FBXO38: variants seen among roughly 807,000 people sequenced by gnomAD.
FBXO38 encodes F-box only protein 38.
Under a neutral mutation model 131.9 loss-of-function variants are expected in FBXO38, and 53 were observed. The ratio of observed to expected loss-of-function variants is 0.40; its 90% CI spans 0.32 to 0.51. The LOEUF is 0.51. Ranked by LOEUF, FBXO38 falls within the 20% of genes least tolerant of loss-of-function variation. FBXO38 has a pLI of 0.53. For synonymous variants in FBXO38, 452 were observed against 505.6 expected (o/e 0.89, Z 1.42); for missense variants, 1,076 against 1,475.6 (o/e 0.73, Z 4.44).
Position 148,433,431 on chromosome 5 carries a change from C to G in FBXO38, c.2661C>G (p.Ala887=), listed in dbSNP as rs142852014. The G allele has an allele frequency of 1.1e-5, 18 of 1,610,130 alleles. No homozygotes were observed. The African/African-American group carries it at 1.9e-4, about 17-fold the overall frequency. Residue 887 remains alanine (A), a synonymous_variant, in exon 16 of 22, where the codon GCC becomes GCG. Coordinates refer to ENST00000340253, the MANE Select transcript of FBXO38 (RefSeq NM_205836.3). ...TTTTTTTGCCTTTTTTAGAAGTAGC[C>G]AAAACAAAGCCACGTCACGCCATGA... The part of the protein sequence containing the change: ...HVLLVSESEV[A]KTKPRHAMKR...
chr5:148,411,367 A>T (rs1291437843), intron 9 of FBXO38, among the ~76,000 whole-genome samples: 2 of 152,214 alleles, frequency 1.3e-5, no homozygotes, highest in Non-Finnish European at 2.9e-5. Context: ...CTATTTTTCC[A>T]TATGGCATCA....
intron 12 of FBXO38, among the ~76,000 whole-genome samples, 165 bp downstream of exon 12, chr5:148,417,369 T>C (rs1753122167): frequency 6.6e-6 from 1 of 152,106 alleles, no homozygotes; most frequent in South Asian, 2.1e-4. Flanking sequence ...TTTTTCTCTT[T>C]TCTTGCTTGT....
rs780918223 is a variant in FBXO38 at position 148,414,276 on chromosome 5, C to T, written c.1234C>T (p.His412Tyr). 2 of 1,591,950 alleles carry T rather than the reference C, an allele frequency of 1.3e-6. No homozygotes were observed. The highest frequency in any genetic ancestry group is 2.3e-5 in the East Asian group (1 of 43,874). The change falls in exon 10 of 22, where the codon CAT (histidine) becomes TAT (tyrosine). Residue 412 changes from histidine (H) to tyrosine (Y), a missense_variant. Transcript: ENST00000340253. ...IKYLAIYNCP[H>Y]LHNPYNWISD... ...ATATCTGGCAATTTACAATTGCCCT[C>T]ATCTACACAACCCATACAATTGGAT...
chr5:148,434,881 C>T (rs1431907898), intron 17 of FBXO38: 2 of 152,028 alleles, frequency 1.3e-5, no homozygotes, highest in Non-Finnish European at 2.9e-5. Context: ...CACCTGAGAC[C>T]AGGAGTTTGA....
chr5:148,441,851 A>G, intron 21 of FBXO38, 118 bp from the exon 22 acceptor site: 4 of 720,144 alleles, frequency 5.6e-6, no homozygotes, highest in African/African-American at 5.4e-5. Context: ...TGACCTATTC[A>G]TGCATCAGTT....
At chr5:148,394,296 T>G (rs1270832590) in intron 1 of FBXO38, among the ~76,000 whole-genome samples, 2 of 152,188 alleles carry the variant, frequency 1.3e-5, no homozygotes, top group Middle Eastern at 3.2e-3. Flanking sequence ...TCTTCTCCTT[T>G]CCACTATGTT....
At chr5:148,422,036 C>A (rs1175415780) in intron 12 of FBXO38, among the ~76,000 whole-genome samples, 1 of 150,526 alleles carries the variant, frequency 6.6e-6, no homozygotes, top group East Asian at 1.9e-4. Context: ...ACCACTACAT[C>A]AGACCTTTCT....
intron 15 of FBXO38, among the ~76,000 whole-genome samples, chr5:148,428,395 G>C (rs1753847317): frequency 6.6e-6 from 1 of 152,156 alleles, no homozygotes; most frequent in Non-Finnish European, 1.5e-5. Flanking sequence ...GCAGTACTTA[G>C]TAATTTTTTC....
At chr5:148,400,893 GA>G (rs1331322539) in intron 3 of FBXO38, among the ~76,000 whole-genome samples, 2 of 151,156 alleles carry the variant, frequency 1.3e-5, no homozygotes, top group South Asian at 2.1e-4. Context: ...GAGAATAAAT[GA>G]AAAAAAATGA....
chr5:148,424,641 T>C (rs891961168), intron 13 of FBXO38, among the ~76,000 whole-genome samples: 5 of 152,218 alleles, frequency 3.3e-5, no homozygotes, highest in African/African-American at 1.2e-4. Context: ...GTTTAAATGA[T>C]GTGCTCAACA....
chr5:148,402,194 T>C (rs779027386), intron 4 of FBXO38, 49 bp downstream of exon 4: 2 of 1,580,182 alleles, frequency 1.3e-6, no homozygotes, highest in Non-Finnish European at 1.7e-6. Context: ...TATGAAATAA[T>C]AGACCAAAGA....
chr5:148,427,386 A>G lies in FBXO38; in HGVS notation c.2092A>G (p.Lys698Glu). ...ARDIPEKKKN[K>E]DVYPSCSSTT... ...GGATATTCCTGAAAAGAAAAAAAAC[A>G]AGGATGTTTATCCCAGCTGCAGCAG... Residue 698 changes from lysine (K) to glutamate (E), a missense_variant, in exon 15 of 22, where the codon AAG becomes GAG. Physicochemically the swap from Lys to Glu is moderately conservative, Grantham distance 56. Transcript: ENST00000340253. The G allele has an allele frequency of 6.2e-7, 1 of 1,614,168 alleles. No individual in the cohort carries two copies.
At chr5:148,409,822 A>T (rs1029431948) in intron 8 of FBXO38, among the ~76,000 whole-genome samples, 2 of 152,222 alleles carry the variant, frequency 1.3e-5, no homozygotes, top group African/African-American at 2.4e-5. Flanking sequence ...CTTGATTAGG[A>T]TTATAAATAA....
chr5:148,404,663 C>A (rs371556555), intron 5 of FBXO38, 22 bp from the exon 6 acceptor site: 367 of 1,505,414 alleles, frequency 2.4e-4, no homozygotes, highest in Non-Finnish European at 3.2e-4. Context: ...CTTGTTTGTT[C>A]TTTTTTATAT....
chr5:148,419,394 C>T (rs1753268086), intron 12 of FBXO38, among the ~76,000 whole-genome samples: 1 of 151,658 alleles, frequency 6.6e-6, no homozygotes, highest in South Asian at 2.1e-4. Flanking sequence ...TTCCCGCAAA[C>T]TAAGGAACTA....
chr5:148,392,821 G>C (rs1215379249), intron 1 of FBXO38, among the ~76,000 whole-genome samples: 1 of 152,092 alleles, frequency 6.6e-6, no homozygotes, highest in Non-Finnish European at 1.5e-5. Flanking sequence ...AGATGGGGAA[G>C]CACTGGAAAG....
Position 148,427,589 on chromosome 5 carries a change from G to T in FBXO38, c.2295G>T (p.Glu765Asp), listed in dbSNP as rs966952897. ...CAGAGGACTCTGAGGCCATGGAGGA[G>T]GGAGATGCAGAGAGTTCTGTCTGCC... ...GGSEDSEAME[E>D]GDAESSVCPR... The change falls in exon 15 of 22, where the codon GAG becomes GAT. Residue 765 changes from glutamate to aspartate, a missense_variant. This residue lies in a region of FBXO38 where 213 missense variants were observed against 225.2 expected (regional missense o/e 0.95). Coordinates refer to ENST00000340253, the MANE Select transcript of FBXO38 (RefSeq NM_205836.3). 6.8e-6 allele frequency: 11 copies of T among 1,614,100 alleles called. No individual in the cohort carries two copies. Among genetic ancestry groups the T allele is most frequent in the Non-Finnish European group, 8.5e-6 (10 of 1,180,058 alleles).
intron 2 of FBXO38, among the ~76,000 whole-genome samples, chr5:148,395,343 C>CT (rs1378853149): frequency 1.3e-5 from 2 of 152,062 alleles, no homozygotes; most frequent in Non-Finnish European, 2.9e-5. Flanking sequence ...GTGATTGTAA[C>CT]TAAGTTTTCT....
At position 148,414,289 on chromosome 5, in the gene FBXO38, C is replaced by A; in HGVS notation, c.1247C>A (p.Pro416Gln). The A allele has an allele frequency of 6.2e-7, 1 of 1,605,456 alleles. No individual in the cohort carries two copies. Among genetic ancestry groups the A allele is most frequent in the Non-Finnish European group, 8.5e-7 (1 of 1,177,182 alleles). ...AIYNCPHLHN[P>Q]YNWISDHSRW... ...TACAATTGCCCTCATCTACACAACCCATACAATTGGATCTCAGGTATTACA... is the reference window on the plus strand; with the variant it reads ...TACAATTGCCCTCATCTACACAACCAATACAATTGGATCTCAGGTATTACA... Residue 416 changes from proline to glutamine, a missense_variant, in exon 10 of 22, where the codon CCA becomes CAA. Pro to Gln is a moderately conservative substitution (Grantham distance 76). Transcript: ENST00000340253.
Sources: gnomAD v4.1 joint callset for allele counts (sites outside exome capture counted in the v4.1 genomes callset) on GRCh38, gnomAD v4.1.1 for gene constraint, gnomAD v4.1.1 regional missense constraint, MANE v1.5 for transcripts, NCBI Gene and HGNC (gene_info 2026-07-23, HGNC 2026-07-21) for gene names.